The following F5 variants were observed in gnomAD, a reference collection of about 807,000 sequenced individuals.
F5 encodes the protein coagulation factor V.
In F5, 138 loss-of-function variants were observed where a neutral mutation model predicts 216.4. That is an observed-to-expected ratio of 0.64 (90% CI 0.56 to 0.73). The LOEUF (loss-of-function observed/expected upper bound fraction) is 0.73. Among genes scored for constraint, F5 ranks in the 30% least tolerant of loss-of-function variants. The probability of loss-of-function intolerance (pLI) is 0.00; values close to 1 mark genes in which losing one functional copy is unlikely to be tolerated. For missense variants in F5, 2,403 were observed against 2,674.0 expected (o/e 0.90, Z 2.24); for synonymous variants, 916 against 930.7 (o/e 0.98, Z 0.29).
At position 169,524,628 on chromosome 1, in the gene F5, A is replaced by G. The variant is rs186302024; in HGVS notation, c.5788+209T>C. ...CACCAGAAGAGGTGGCAGTGTTAAGAGCACACTAACAGGCCTTTAGCTCCT... is the reference window on the plus strand; with the variant it reads ...CACCAGAAGAGGTGGCAGTGTTAAGGGCACACTAACAGGCCTTTAGCTCCT... On this transcript the variant is annotated intron_variant, in intron 19 of 24. Coordinates refer to ENST00000367797, the MANE Select transcript of F5 (RefSeq NM_000130.5). Among the ~76,000 whole-genome samples, 475 of 152,304 alleles carry G rather than the reference A, an allele frequency of 3.1e-3. 5 individuals are homozygous for G. The highest frequency in any genetic ancestry group is 3.8e-3 in the Non-Finnish European group (261 of 68,026).
rs754982088 is a variant in F5, at chr1:169,530,956, A to AT, written c.5037dup (p.Ser1680IlefsTer8). The AT allele has an allele frequency of 9.3e-6, 15 of 1,613,710 alleles. No homozygotes were observed. Among genetic ancestry groups the AT allele is most frequent in the Non-Finnish European group, 2.5e-6 (3 of 1,179,854 alleles). On this transcript the variant is annotated frameshift_variant, in exon 15 of 25. Transcript: ENST00000367797. LOFTEE classifies it high-confidence loss of function. ...TCTTCATAAGTCTTTCCCTCTGATGATTTTTCATAGGAAAGTCCATGGGCA... is the reference window on the plus strand; with the variant it reads ...TCTTCATAAGTCTTTCCCTCTGATGATTTTTTCATAGGAAAGTCCATGGGCA...
At chr1:169,525,803 G>A in intron 18 of F5, 98 bp downstream of exon 18, 1 of 891,844 alleles carries the variant, frequency 1.1e-6, no homozygotes. Flanking sequence ...TGTCACATCA[G>A]AGTTCTTAGA....
At chr1:169,526,103 T>G in intron 17 of F5, 86 bp from the exon 18 acceptor site, 1 of 924,666 alleles carries the variant, frequency 1.1e-6, no homozygotes, top group East Asian at 2.5e-5. Context: ...CTAAAATTCC[T>G]GCTTCACAAG....
chr1:169,526,047 C>T (rs1271211937), intron 17 of F5, 30 bp from the exon 18 acceptor site: 1 of 1,420,658 alleles, frequency 7.0e-7, no homozygotes, highest in Non-Finnish European at 9.9e-7. Flanking sequence ...ATTACATTTG[C>T]AAAAATTAAC....
chr1:169,581,353 A>G (rs9332501), intron 2 of F5, among the ~76,000 whole-genome samples: 1 of 152,248 alleles, frequency 6.6e-6, no homozygotes, highest in East Asian at 1.9e-4. Flanking sequence ...AATATAGGCG[A>G]AGAAATGTAG....
Position 169,518,430 on chromosome 1 carries a change from C to T in F5, c.6327G>A (p.Val2109=), listed in dbSNP as rs267598156. The change falls in exon 23 of 25, where the codon GTG becomes GTA. Residue 2109 remains valine (V), a synonymous_variant. Coordinates refer to ENST00000367797, the MANE Select transcript of F5 (RefSeq NM_000130.5). The part of the protein sequence containing the change: ...FRARLNAQGR[V]NAWQAKANNN... ...ACTTGACCTTGGCTTGCCAGGCATTCACACGTCCCTGGGCATTCAGACGGG... is the reference window on the plus strand; with the variant it reads ...ACTTGACCTTGGCTTGCCAGGCATTTACACGTCCCTGGGCATTCAGACGGG... 1.2e-6 allele frequency: 2 copies of T among 1,613,742 alleles called. No homozygotes were observed. The highest frequency in any genetic ancestry group is 1.7e-6 in the Non-Finnish European group (2 of 1,179,760).
intron 6 of F5, among the ~76,000 whole-genome samples, chr1:169,555,677 C>T (rs1444707300): frequency 8.0e-6 from 1 of 124,456 alleles, no homozygotes; most frequent in South Asian, 2.4e-4. Context: ...ATTTTTCTGT[C>T]ATCTGTCCCT....
rs753162982 is a variant in F5 at position 169,559,237 on chromosome 1, C to A, written c.646G>T (p.Ala216Ser). The A allele has an allele frequency of 2.5e-6, 4 of 1,613,788 alleles. No individual in the cohort carries two copies. In the Admixed American group the frequency reaches 5.0e-5, roughly 20 times the overall value. Residue 216 changes from alanine (A) to serine (S), a missense_variant, in exon 5 of 25, where the codon GCT becomes TCT. By Grantham distance (99) the Ala-to-Ser change is moderately conservative. This residue lies in a region of F5 where 1,425 missense variants were observed against 1,554.8 expected (regional missense o/e 0.92). Coordinates refer to ENST00000367797, the MANE Select transcript of F5 (RefSeq NM_000130.5). ...CAGCTCTTGCTTTCATCAAACACAGCAAATAGTAGCACGATTTGCTTGTCA... is the reference window on the plus strand; with the variant it reads ...CAGCTCTTGCTTTCATCAAACACAGAAAATAGTAGCACGATTTGCTTGTCA... ...TFDKQIVLLFAVFDESKSWSQ... is the reference protein window; with the variant it reads ...TFDKQIVLLFSVFDESKSWSQ...
rs547685540 is a variant in F5, at chr1:169,520,722, T to C, written c.6049-58A>G. The C allele has an allele frequency of 4.8e-6, 7 of 1,447,178 alleles. No homozygotes were observed. In the South Asian group the frequency reaches 5.9e-5, roughly 12 times the overall value. The allele number at this position is 1,447,178 out of a possible 1,614,324, so 89.6% of individuals were successfully genotyped here. A position where few individuals can be genotyped will look rare whatever the true frequency, so the allele number is the denominator to read the frequency against. On this transcript the variant is annotated intron_variant, in intron 21 of 24. Coordinates refer to ENST00000367797, the MANE Select transcript of F5 (RefSeq NM_000130.5). ...CAATGATCTATAAAGTGACTTTATA[T>C]TAAAATTTTGATCTAATTTAATATT...
At chr1:169,546,734 T>C in intron 10 of F5, 142 bp from the exon 11 acceptor site, 1 of 765,114 alleles carries the variant, frequency 1.3e-6, no homozygotes, top group East Asian at 2.7e-5. Flanking sequence ...GGATTCTCTA[T>C]TCCATAAATG....
rs1431956224 is a variant in F5 at position 169,582,445 on chromosome 1, T to C, written c.236A>G (p.Gln79Arg). The C allele has an allele frequency of 6.5e-7, 1 of 1,529,466 alleles. No homozygotes were observed. Among genetic ancestry groups the C allele is most frequent in the Non-Finnish European group, 9.0e-7 (1 of 1,109,306 alleles). 94.7% of individuals were successfully genotyped at this position (1,529,466 alleles called of 1,614,324 possible). ...TTCAGGCTTACCTGAAATGGTAGATTGTGGTTTTTCTTTCTTAAAATATGG... is the reference window on the plus strand; with the variant it reads ...TTCAGGCTTACCTGAAATGGTAGATCGTGGTTTTTCTTTCTTAAAATATGG... The part of the protein sequence containing the change: ...YEPYFKKEKP[Q>R]STISGLLGPT... The change falls in exon 2 of 25, where the codon CAA becomes CGA. Residue 79 changes from glutamine (Q) to arginine (R), a missense_variant. This residue lies in a region of F5 where 1,425 missense variants were observed against 1,554.8 expected (regional missense o/e 0.92). Coordinates refer to ENST00000367797, the MANE Select transcript of F5 (RefSeq NM_000130.5).
intron 8 of F5, among the ~76,000 whole-genome samples, 172 bp from the exon 9 acceptor site, chr1:169,550,911 A>G (rs1313528076): frequency 6.6e-6 from 1 of 152,168 alleles, no homozygotes; most frequent in East Asian, 1.9e-4. Context: ...ATCACTTGGC[A>G]GGAGCATTGG....
At chr1:169,551,277 C>T (rs1660161843) in intron 8 of F5, among the ~76,000 whole-genome samples, 1 of 152,170 alleles carries the variant, frequency 6.6e-6, no homozygotes, top group Non-Finnish European at 1.5e-5. Flanking sequence ...GGTGAAACCT[C>T]ATCTCTACAA....
At chr1:169,578,815 A>T (rs77417616) in intron 2 of F5, among the ~76,000 whole-genome samples, 3 of 152,090 alleles carry the variant, frequency 2.0e-5, no homozygotes, top group Non-Finnish European at 4.4e-5. Flanking sequence ...CTGGCCCCCC[A>T]TGAAGGTGGT....
chr1:169,586,455 C>A lies in F5; in HGVS notation c.-69G>T. On this transcript the variant is annotated 5_prime_UTR_variant, in exon 1 of 25. Coordinates refer to ENST00000367797, the MANE Select transcript of F5 (RefSeq NM_000130.5). Reference sequence around the variant, plus strand: ...GGGCAGCGCTTGCCGAGCTGCTAACCACACTCCGGGCTGTCCCAGCTGCAA... The same window carrying A: ...GGGCAGCGCTTGCCGAGCTGCTAACAACACTCCGGGCTGTCCCAGCTGCAA... 5.1e-6 allele frequency: 8 copies of A among 1,564,484 alleles called. No homozygotes were observed. Among genetic ancestry groups the A allele is most frequent in the Non-Finnish European group, 6.9e-6 (8 of 1,159,718 alleles).
chr1:169,567,510 T>G (rs904307941), intron 3 of F5, among the ~76,000 whole-genome samples: 2 of 151,024 alleles, frequency 1.3e-5, no homozygotes, highest in African/African-American at 4.9e-5. Flanking sequence ...CCAAAGGCGA[T>G]GAAAGTAAAT....
rs1471725641 is a variant in F5 at position 169,531,035 on chromosome 1, A to G, written c.4972-13T>C. On this transcript the variant is annotated splice_polypyrimidine_tract_variant and intron_variant, in intron 14 of 24. Transcript: ENST00000367797. ...TTTTAAAACGAACCTAGGAAAAGGA[A>G]TGATCCACAAATGTACTTAAGCTTA... 8.2e-6 allele frequency: 13 copies of G among 1,590,236 alleles called. No individual in the cohort carries two copies. Among genetic ancestry groups the G allele is most frequent in the Non-Finnish European group, 1.1e-5 (13 of 1,161,906 alleles).
At position 169,542,710 on chromosome 1, in the gene F5, G is replaced by T. The variant is rs780727212; in HGVS notation, c.2380C>A (p.Pro794Thr). The T allele has an allele frequency of 1.1e-4, 182 of 1,613,964 alleles. No homozygotes were observed. The highest frequency in any genetic ancestry group is 1.5e-4 in the Non-Finnish European group (178 of 1,180,004). The change falls in exon 13 of 25, where the codon CCT (proline) becomes ACT (threonine). Residue 794 changes from proline (P) to threonine (T), a missense_variant. Pro to Thr is a conservative substitution (Grantham distance 38). Coordinates refer to ENST00000367797, the MANE Select transcript of F5 (RefSeq NM_000130.5). ...TGTTGGTGAGAAGGGGCTTTCTGAG[G>T]TTCTGCAAGGTTATTGACAGTGAAC... is the stretch of plus-strand genomic sequence containing the variant. ...SKFTVNNLAE[P>T]QKAPSHQQAT...
At chr1:169,533,918 GA>G (rs1659644811) in intron 14 of F5, among the ~76,000 whole-genome samples, 1 of 152,080 alleles carries the variant, frequency 6.6e-6, no homozygotes. Context: ...TGCCTCCAAA[GA>G]AAGAAGAAGT....
Sources: gnomAD v4.1 joint callset for allele counts (sites outside exome capture counted in the v4.1 genomes callset) on GRCh38, gnomAD v4.1.1 for gene constraint, gnomAD v4.1.1 regional missense constraint, MANE v1.5 for transcripts, NCBI Gene and HGNC (gene_info 2026-07-23, HGNC 2026-07-21) for gene names.